Variants in LYPLAL1 observed in about 807,000 individuals in gnomAD.
LYPLAL1 encodes the protein lysophospholipase-like protein 1.
LYPLAL1 carries 23 observed loss-of-function variants against 19.7 expected under a neutral mutation model. The ratio of observed to expected loss-of-function variants is 1.17; its 90% confidence interval spans 0.84 to 1.65. The LOEUF is 1.65. Ranked by LOEUF, LYPLAL1 falls within the 40% of genes most tolerant of loss-of-function variation. LYPLAL1 has a pLI of 0.00. For missense variants in LYPLAL1, 355 were observed against 279.4 expected (o/e 1.27, Z -1.93); for synonymous variants, 119 against 96.3 (o/e 1.24, Z -1.38).
At chr1:219,249,299 A>T in the LYPLAL1 span, among the ~76,000 whole-genome samples, 1 of 152,076 alleles carries the variant, frequency 6.6e-6, no homozygotes, top group Non-Finnish European at 1.5e-5. Flanking sequence ...TGGCCTTTGT[A>T]AAAATGGGAT....
chr1:219,240,268 A>C, the LYPLAL1 span, among the ~76,000 whole-genome samples: 1 of 152,190 alleles, frequency 6.6e-6, no homozygotes, highest in African/African-American at 2.4e-5. Context: ...TAACTTATAA[A>C]TATCTGCATA....
At chr1:219,230,086 C>T in the LYPLAL1 span, among the ~76,000 whole-genome samples, 1 of 152,156 alleles carries the variant, frequency 6.6e-6, no homozygotes, top group South Asian at 2.1e-4. Flanking sequence ...GTTACTTTCA[C>T]TATTCAACAA....
the LYPLAL1 span, among the ~76,000 whole-genome samples, chr1:219,332,998 G>A: frequency 2.6e-5 from 4 of 152,004 alleles, no homozygotes; most frequent in Admixed American, 1.3e-4. Flanking sequence ...CACTTTTAAA[G>A]GCCATTTGAA....
the LYPLAL1 span, among the ~76,000 whole-genome samples, chr1:219,385,587 G>T: frequency 7.1e-6 from 1 of 140,994 alleles, no homozygotes; most frequent in Non-Finnish European, 1.6e-5. Context: ...AGTGTTTGGG[G>T]TAGACCAGTA....
chr1:219,329,437 A>T, the LYPLAL1 span, among the ~76,000 whole-genome samples: 19 of 152,306 alleles, frequency 1.2e-4, no homozygotes, highest in African/African-American at 4.6e-4. Context: ...ACAGTGTAAG[A>T]TTCTTGGGAA....
chr1:219,371,640 G>A, the LYPLAL1 span, among the ~76,000 whole-genome samples: 2 of 152,132 alleles, frequency 1.3e-5, no homozygotes, highest in African/African-American at 4.8e-5. Context: ...GCCAATCACC[G>A]AGTTTTGAGT....
At chr1:219,334,977 T>G in the LYPLAL1 span, among the ~76,000 whole-genome samples, 43,881 of 151,724 alleles carry the variant, frequency 0.29, 6,774 homozygotes, top group East Asian at 0.59. Context: ...GCTCCCAAAT[T>G]TCTTCTTTCC....
chr1:219,321,523 A>G, the LYPLAL1 span, among the ~76,000 whole-genome samples: 4 of 152,142 alleles, frequency 2.6e-5, no homozygotes, highest in Non-Finnish European at 4.4e-5. Flanking sequence ...GCCCATGTCT[A>G]TGTCCTGAAT....
At chr1:219,405,246 AC>A in the LYPLAL1 span, among the ~76,000 whole-genome samples, 2 of 152,188 alleles carry the variant, frequency 1.3e-5, no homozygotes, top group Non-Finnish European at 2.9e-5. Context: ...TTTCTTGTGA[AC>A]TAGATAAGCT....
chr1:219,224,232 T>A, the LYPLAL1 span, among the ~76,000 whole-genome samples: 1 of 152,164 alleles, frequency 6.6e-6, no homozygotes, highest in Non-Finnish European at 1.5e-5. Context: ...CAACATGAAC[T>A]AACTGGCAAG....
At chr1:219,270,473 G>A in the LYPLAL1 span, among the ~76,000 whole-genome samples, 3 of 152,204 alleles carry the variant, frequency 2.0e-5, no homozygotes, top group African/African-American at 7.2e-5. Flanking sequence ...AAACTGGTTA[G>A]GACTGGGTGT....
the LYPLAL1 span, among the ~76,000 whole-genome samples, chr1:219,301,805 T>G: frequency 6.6e-6 from 1 of 152,188 alleles, no homozygotes; most frequent in African/African-American, 2.4e-5. Context: ...CTTTTTCTCA[T>G]TTTTGATACC....
chr1:219,439,657 G>A, the LYPLAL1 span, among the ~76,000 whole-genome samples: 21 of 152,066 alleles, frequency 1.4e-4, no homozygotes, highest in African/African-American at 5.1e-4. Flanking sequence ...TATTTCATAA[G>A]TGCTTGCTCA....
At chr1:219,244,441 C>T in the LYPLAL1 span, among the ~76,000 whole-genome samples, 1 of 151,960 alleles carries the variant, frequency 6.6e-6, no homozygotes, top group Admixed American at 6.5e-5. Context: ...AGGAGGGATA[C>T]TGCCTGGTAG....
the LYPLAL1 span, among the ~76,000 whole-genome samples, chr1:219,345,763 A>G: frequency 6.6e-6 from 1 of 152,136 alleles, no homozygotes; most frequent in African/African-American, 2.4e-5. Flanking sequence ...GGTTTTTGAA[A>G]AAAGGGAGGA....
the LYPLAL1 span, among the ~76,000 whole-genome samples, chr1:219,412,591 G>T: frequency 1.3e-5 from 2 of 152,164 alleles, no homozygotes; most frequent in South Asian, 2.1e-4. Context: ...TGCTCAGAGA[G>T]AATAAAAGGA....
At chr1:219,211,421 C>A in intron 4 of LYPLAL1, 71 bp from the exon 5 acceptor site, 1 of 1,064,428 alleles carries the variant, frequency 9.4e-7, no homozygotes, top group Non-Finnish European at 1.4e-6. Context: ...TTTTCCTGTT[C>A]TCTCTGATTT....
the LYPLAL1 span, among the ~76,000 whole-genome samples, chr1:219,267,393 C>G: frequency 6.6e-6 from 1 of 152,154 alleles, no homozygotes; most frequent in East Asian, 1.9e-4. Flanking sequence ...TTTAGCCAAC[C>G]CCTATCTACT....
chr1:219,413,679 GCAAA>G, the LYPLAL1 span, among the ~76,000 whole-genome samples: 8 of 152,160 alleles, frequency 5.3e-5, no homozygotes, highest in Admixed American at 4.6e-4. Context: ...TTTAAAATAA[GCAAA>G]CAAAGAAACA....
Sources: allele counts gnomAD v4.1 joint callset (sites outside exome capture counted in the v4.1 genomes callset), GRCh38; gene constraint gnomAD v4.1.1; transcripts MANE v1.5; gene names NCBI Gene and HGNC (gene_info 2026-07-23, HGNC 2026-07-21).